The following UTRN variants were observed in gnomAD, a reference collection of about 807,000 sequenced individuals.
UTRN encodes dystrophin-related protein 1.
Under a neutral mutation model 463.9 loss-of-function variants are expected in UTRN, and 283 were observed. That is an observed-to-expected ratio of 0.61 (90% CI 0.55 to 0.67). The LOEUF (loss-of-function observed/expected upper bound fraction) is 0.67. Ranked by LOEUF, UTRN falls within the 30% of genes least tolerant of loss-of-function variation. The pLI is 0.00. For synonymous variants in UTRN, 1,442 were observed against 1,431.5 expected (o/e 1.01, Z -0.17); for missense variants, 3,922 against 4,084.3 (o/e 0.96, Z 1.08).
rs1321904387 is a variant in UTRN, at chr6:144,286,902, A to G, written c.-93+1081A>G. On this transcript the variant is annotated intron_variant, in intron 1 of 74. Coordinates refer to ENST00000367545, the MANE Select transcript of UTRN (RefSeq NM_007124.3). The surrounding 1 kb of genome is among the most constrained non-coding windows in gnomAD (Gnocchi z 4.4). ...CTTTCCCAGCCTTCAGGTCAGCCGG[A>G]TCACCAGGGCCTTGCGGGCCAGTTC... Among the ~76,000 whole-genome samples the G allele has an allele frequency of 5.3e-5, 8 of 152,126 alleles. No homozygotes were observed. The highest frequency in any genetic ancestry group is 3.3e-4 in the Admixed American group (5 of 15,282).
chr6:144,342,629 T>C (rs1022902192), intron 2 of UTRN, among the ~76,000 whole-genome samples: 1 of 152,178 alleles, frequency 6.6e-6, no homozygotes, highest in Non-Finnish European at 1.5e-5. Context: ...CAAAAAACCA[T>C]ATACTGTATG....
At chr6:144,525,122 A>C (rs1796451205) in intron 41 of UTRN, among the ~76,000 whole-genome samples, 1 of 151,994 alleles carries the variant, frequency 6.6e-6, no homozygotes, top group Non-Finnish European at 1.5e-5. Flanking sequence ...TTTTGCATCT[A>C]TATCAGGGAT....
intron 2 of UTRN, among the ~76,000 whole-genome samples, chr6:144,350,742 T>G (rs1778041695): frequency 6.6e-6 from 1 of 152,234 alleles, no homozygotes; most frequent in African/African-American, 2.4e-5. Flanking sequence ...TTTATACTCT[T>G]AATGATTCCA....
chr6:144,631,303 T>A, intron 51 of UTRN, among the ~76,000 whole-genome samples: 1 of 151,404 alleles, frequency 6.6e-6, no homozygotes, highest in East Asian at 1.9e-4. Context: ...TTGGAACTAT[T>A]CCTAAGTAAC....
At chr6:144,507,958 A>G (rs558168498) in intron 34 of UTRN, among the ~76,000 whole-genome samples, 66 of 151,894 alleles carry the variant, frequency 4.3e-4, no homozygotes, top group South Asian at 3.1e-3. Context: ...CAGAGATCAG[A>G]CAGTCTGGCT....
intron 69 of UTRN, among the ~76,000 whole-genome samples, chr6:144,834,643 G>A (rs1029221721): frequency 1.3e-5 from 2 of 152,150 alleles, no homozygotes; most frequent in East Asian, 1.9e-4. Flanking sequence ...CAGCTCAAGG[G>A]CACAGGTAAT....
At chr6:144,390,496 C>T (rs911581707) in intron 2 of UTRN, among the ~76,000 whole-genome samples, 2 of 152,338 alleles carry the variant, frequency 1.3e-5, no homozygotes, top group Admixed American at 6.5e-5. Flanking sequence ...TCATTTAACC[C>T]CTTGCTGTGG....
At chr6:144,634,849 T>C (rs1419719750) in intron 51 of UTRN, among the ~76,000 whole-genome samples, 1 of 152,236 alleles carries the variant, frequency 6.6e-6, no homozygotes, top group African/African-American at 2.4e-5. Flanking sequence ...TGTGGTACTT[T>C]CCTTTCTCTT....
chr6:144,654,255 CAG>C (rs1252397633), intron 51 of UTRN, among the ~76,000 whole-genome samples: 2 of 152,150 alleles, frequency 1.3e-5, no homozygotes, highest in African/African-American at 4.8e-5. Flanking sequence ...GGACATGGTT[CAG>C]AGTTGAAGCA....
At chr6:144,466,088 C>A (rs1789935091) in intron 23 of UTRN, among the ~76,000 whole-genome samples, 1 of 152,132 alleles carries the variant, frequency 6.6e-6, no homozygotes, top group Non-Finnish European at 1.5e-5. Context: ...TAGACAAGAA[C>A]AATTGACAAA....
chr6:144,646,535 G>A (rs1176360226), intron 51 of UTRN, among the ~76,000 whole-genome samples: 1 of 151,978 alleles, frequency 6.6e-6, no homozygotes, highest in East Asian at 1.9e-4. Context: ...GAGAAAATAT[G>A]TATTATATTA....
chr6:144,586,947 T>C (rs1056408038), intron 51 of UTRN, among the ~76,000 whole-genome samples: 7 of 152,216 alleles, frequency 4.6e-5, no homozygotes, highest in Non-Finnish European at 1.0e-4. Flanking sequence ...CAAACTATTC[T>C]GATCATATTT....
At chr6:144,763,704 A>G (rs935695015) in intron 58 of UTRN, among the ~76,000 whole-genome samples, 3 of 152,236 alleles carry the variant, frequency 2.0e-5, no homozygotes, top group Non-Finnish European at 4.4e-5. Context: ...CTAACAGGAA[A>G]ATGAAAGCTA....
intron 2 of UTRN, among the ~76,000 whole-genome samples, chr6:144,325,141 C>T (rs144383854): frequency 6.6e-6 from 1 of 152,148 alleles, no homozygotes; most frequent in African/African-American, 2.4e-5. Flanking sequence ...GGAGGTGCCC[C>T]AGTTCCTGAA....
Position 144,852,064 on chromosome 6 carries a change from T to C in UTRN, c.*1067T>C, listed in dbSNP as rs1269411710. 1 of 152,154 alleles carries C rather than the reference T, an allele frequency of 6.6e-6. No homozygotes were observed. Among genetic ancestry groups the C allele is most frequent in the Admixed American group, 6.6e-5 (1 of 15,256 alleles). 9.4% of individuals were successfully genotyped at this position (152,154 alleles called of 1,614,324 possible). On this transcript the variant is annotated 3_prime_UTR_variant, in exon 75 of 75. Coordinates refer to ENST00000367545, the MANE Select transcript of UTRN (RefSeq NM_007124.3). ...TCAAGTCCTTAATAGTTCTTGAAAC[T>C]CCTAGTTGTTTTCTTGTTGAAAGCA...
chr6:144,686,240 G>C (rs1025316823), intron 52 of UTRN, among the ~76,000 whole-genome samples: 5 of 152,084 alleles, frequency 3.3e-5, no homozygotes, highest in African/African-American at 1.2e-4. Context: ...TCTCTATTCT[G>C]CTTCATTGGT....
rs1381020433 is a variant in UTRN at position 144,437,636 on chromosome 6, A to G, written c.1131A>G (p.Ile377Met). 3.7e-6 allele frequency: 6 copies of G among 1,614,036 alleles called. No individual in the cohort carries two copies. Among genetic ancestry groups the G allele is most frequent in the Non-Finnish European group, 4.2e-6 (5 of 1,180,038 alleles). The change falls in exon 11 of 75, where the codon ATA (isoleucine) becomes ATG (methionine). Residue 377 changes from isoleucine to methionine, a missense_variant. Physicochemically the swap from Ile to Met is conservative, Grantham distance 10. Transcript: ENST00000367545. ...GSVLQAGNQLITQGTLSDEEE... is the reference protein window; with the variant it reads ...GSVLQAGNQLMTQGTLSDEEE... ...TCCTGCAGGCAGGCAACCAACTGAT[A>G]ACACAAGGAACTCTGTCAGACGAAG...
intron 43 of UTRN, among the ~76,000 whole-genome samples, chr6:144,535,733 T>G (rs1209468257): frequency 2.0e-5 from 3 of 152,200 alleles, no homozygotes; most frequent in Non-Finnish European, 4.4e-5. Context: ...GTTTTTGTAT[T>G]GAGTGCCTGT....
intron 3 of UTRN, among the ~76,000 whole-genome samples, chr6:144,407,659 A>G (rs144064037): frequency 0.015 from 2,261 of 152,350 alleles, 50 homozygotes; most frequent in South Asian, 0.1. Flanking sequence ...TCTTTTCTTG[A>G]TAAGGGATTT....
Sources: gnomAD v4.1 joint callset for allele counts (sites outside exome capture counted in the v4.1 genomes callset) on GRCh38, gnomAD v4.1.1 for gene constraint, Gnocchi (gnomAD v3.1) non-coding constraint, MANE v1.5 for transcripts, NCBI Gene and HGNC (gene_info 2026-07-23, HGNC 2026-07-21) for gene names.